Variants in TBC1D9 observed in about 807,000 individuals in gnomAD.
TBC1D9 encodes the protein TBC1 domain family member 9.
TBC1D9 carries 63 observed loss-of-function variants against 132.0 expected under a neutral mutation model. The observed-to-expected ratio is 0.48, with a 90% confidence interval of 0.39 to 0.59. The LOEUF (loss-of-function observed/expected upper bound fraction) is 0.59, where lower values mean the gene tolerates loss of function less well. Among genes scored for constraint, TBC1D9 ranks in the 20% least tolerant of loss-of-function variants. The probability of loss-of-function intolerance (pLI) is 0.00; values close to 1 mark genes in which losing one functional copy is unlikely to be tolerated. For missense variants in TBC1D9, 1,261 were observed against 1,592.7 expected (o/e 0.79, Z 3.54); for synonymous variants, 610 against 609.9 (o/e 1.00, Z 0.00).
chr4:140,688,515 A>G (rs1737824266), intron 2 of TBC1D9, among the ~76,000 whole-genome samples: 2 of 152,208 alleles, frequency 1.3e-5, no homozygotes, highest in African/African-American at 4.8e-5. Flanking sequence ...AAAAAATTAA[A>G]AAATTAGCTG....
intron 9 of TBC1D9, among the ~76,000 whole-genome samples, chr4:140,662,983 T>C (rs1737388033): frequency 6.6e-6 from 1 of 152,132 alleles, no homozygotes; most frequent in South Asian, 2.1e-4. Context: ...AAATGCTTCT[T>C]GACACTGATA....
chr4:140,644,555 CCG>C (rs1737070208), intron 13 of TBC1D9: 6 of 311,690 alleles, frequency 1.9e-5, no homozygotes, highest in South Asian at 1.5e-4. Context: ...AGCCTTGCCC[CCG>C]GCCCCCAGGC....
chr4:140,728,061 C>G (rs1256298270), intron 1 of TBC1D9, among the ~76,000 whole-genome samples: 1 of 152,152 alleles, frequency 6.6e-6, no homozygotes, highest in Non-Finnish European at 1.5e-5. Flanking sequence ...AACTCTAGCT[C>G]CTATAGGAGG....
Position 140,756,156 on chromosome 4 carries a change from C to T in TBC1D9, c.-111G>A. The stretch of plus-strand genomic sequence containing the variant: ...ACACGCGCGCCCGCCCGCCCGTCCG[C>T]TAGGTGCGGCGGCGGCGGCGGCAGG... On this transcript the variant is annotated 5_prime_UTR_variant, in exon 1 of 21. Coordinates refer to ENST00000442267, the MANE Select transcript of TBC1D9 (RefSeq NM_015130.3). This position sits in a 1 kb window ranked among gnomAD's most constrained non-coding sequence, Gnocchi z 5.6. The T allele has an allele frequency of 1.1e-6, 1 of 879,800 alleles. No homozygotes were observed. Among genetic ancestry groups the T allele is most frequent in the Non-Finnish European group, 1.5e-6 (1 of 650,240 alleles). The allele number at this position is 879,800 out of a possible 1,614,324, so 54.5% of individuals were successfully genotyped here. A position where few individuals can be genotyped will look rare whatever the true frequency, so the allele number is the denominator to read the frequency against.
chr4:140,734,281 A>C (rs1738641239), intron 1 of TBC1D9, among the ~76,000 whole-genome samples: 1 of 152,092 alleles, frequency 6.6e-6, no homozygotes, highest in Non-Finnish European at 1.5e-5. Context: ...GGCACGTGTC[A>C]CCACACTCAG....
At chr4:140,653,834 A>C (rs1271674993) in intron 13 of TBC1D9, among the ~76,000 whole-genome samples, 32 of 152,178 alleles carry the variant, frequency 2.1e-4, no homozygotes, top group Admixed American at 2.1e-3. Flanking sequence ...AGAGGAAGGG[A>C]ACTGCGGCTT....
intron 1 of TBC1D9, among the ~76,000 whole-genome samples, chr4:140,744,400 A>G (rs192722719): frequency 3.9e-5 from 6 of 152,298 alleles, no homozygotes; most frequent in African/African-American, 1.2e-4. Flanking sequence ...GTTTTCAGAC[A>G]TGCTTCATTA....
chr4:140,678,851 T>C, intron 5 of TBC1D9, 91 bp downstream of exon 5: 1 of 1,460,334 alleles, frequency 6.8e-7, no homozygotes, highest in South Asian at 1.3e-5. Flanking sequence ...TCAGAACCCT[T>C]GAAGATCGTC....
chr4:140,659,621 T>A lies in TBC1D9; in HGVS notation c.1888A>T (p.Met630Leu). 1 of 1,604,314 alleles carries A rather than the reference T, an allele frequency of 6.2e-7. No homozygotes were observed. The highest frequency in any genetic ancestry group is 8.5e-7 in the Non-Finnish European group (1 of 1,175,414). ...CTGGTGTTGTAGTAATCTGGGAGCA[T>A]GCGCTCACACAAAGCCACAAGCAGC... ...FWLLVALCERMLPDYYNTRVV... is the reference protein window; with the variant it reads ...FWLLVALCERLLPDYYNTRVV... Residue 630 changes from methionine to leucine, a missense_variant, in exon 11 of 21, where the codon ATG (methionine) becomes TTG (leucine). Met to Leu is a conservative substitution (Grantham distance 15). Transcript: ENST00000442267.
chr4:140,733,993 C>T (rs1738637638), intron 1 of TBC1D9, among the ~76,000 whole-genome samples: 1 of 152,058 alleles, frequency 6.6e-6, no homozygotes, highest in Non-Finnish European at 1.5e-5. Flanking sequence ...ACCTCTGCTC[C>T]ATGTGGACAA....
Position 140,639,094 on chromosome 4 carries a change from G to T in TBC1D9, c.2497C>A (p.Leu833Ile). 6.3e-7 allele frequency: 1 copy of T among 1,589,268 alleles called. No individual in the cohort carries two copies. ...TIDELEELYA[L>I]FKAEHLTSCY... is the part of the protein sequence containing the mutation. Reference sequence around the variant, plus strand: ...TTTACCTTGCAACTCACCTTGAAAAGAGCATAAAGTTCTTCCAGCTCATCA... The same window carrying T: ...TTTACCTTGCAACTCACCTTGAAAATAGCATAAAGTTCTTCCAGCTCATCA... Residue 833 changes from leucine (L) to isoleucine (I), a missense_variant, in exon 15 of 21, where the codon CTT becomes ATT. By Grantham distance (5) the Leu-to-Ile change is conservative (BLOSUM62 2). Coordinates refer to ENST00000442267, the MANE Select transcript of TBC1D9 (RefSeq NM_015130.3).
At chr4:140,692,005 T>G (rs1737884891) in intron 2 of TBC1D9, among the ~76,000 whole-genome samples, 1 of 152,214 alleles carries the variant, frequency 6.6e-6, no homozygotes, top group Admixed American at 6.5e-5. Context: ...ATATTTCTTT[T>G]GTGATGCATG....
chr4:140,635,205 G>A (rs1316027099), intron 15 of TBC1D9, among the ~76,000 whole-genome samples: 1 of 152,168 alleles, frequency 6.6e-6, no homozygotes, highest in Admixed American at 6.5e-5. Flanking sequence ...TTGGCCAGGT[G>A]CAGTGGCTCA....
intron 9 of TBC1D9, among the ~76,000 whole-genome samples, chr4:140,668,162 C>T (rs1039013816): frequency 1.3e-5 from 2 of 152,176 alleles, no homozygotes; most frequent in Non-Finnish European, 2.9e-5. Context: ...CCCTGGGATA[C>T]ACTCAGTGCT....
Position 140,639,353 on chromosome 4 carries a change from C to G in TBC1D9, c.2413G>C (p.Glu805Gln), listed in dbSNP as rs1328305523. ...ACCACGTTGCGTTTCGTAGTATCCT[C>G]CAGCGTCTGGATCACTTTCAGTCTC... ...KQRLKVIQTL[E>Q]DTTKRNVVRT... Residue 805 changes from glutamate to glutamine, a missense_variant, in exon 14 of 21, where the codon GAG becomes CAG. Glu to Gln is a conservative substitution (Grantham distance 29, BLOSUM62 2). Transcript: ENST00000442267. 1 of 1,612,678 alleles carries G rather than the reference C, an allele frequency of 6.2e-7. No individual in the cohort carries two copies. Among genetic ancestry groups the G allele is most frequent in the Non-Finnish European group, 8.5e-7 (1 of 1,179,372 alleles).
intron 2 of TBC1D9, among the ~76,000 whole-genome samples, chr4:140,699,196 T>G (rs1225466374): frequency 2.0e-5 from 3 of 152,156 alleles, no homozygotes; most frequent in Non-Finnish European, 4.4e-5. Flanking sequence ...CATGAGTCTA[T>G]AGTGACATAA....
intron 13 of TBC1D9, among the ~76,000 whole-genome samples, chr4:140,650,488 G>A (rs1185403369): frequency 2.6e-5 from 4 of 152,168 alleles, no homozygotes; most frequent in East Asian, 1.9e-4. Flanking sequence ...GATGAGCGAC[G>A]CCACAGTCAT....
Position 140,642,182 on chromosome 4 carries a change from G to A in TBC1D9, c.2338-2754C>T, listed in dbSNP as rs1375523032. On this transcript the variant is annotated intron_variant, in intron 13 of 20. Coordinates refer to ENST00000442267, the MANE Select transcript of TBC1D9 (RefSeq NM_015130.3). ...CACACAGGAGGGAAGGCATCAGTTT[G>A]GAGCTAGCCGGAGGGGCCTTGGGCG... is the stretch of plus-strand genomic sequence containing the variant. The A allele has an allele frequency of 3.3e-5, 25 of 760,444 alleles. 1 individual carries two copies. Among genetic ancestry groups the A allele is most frequent in the Middle Eastern group, 2.3e-4 (1 of 4,410 alleles). 47.1% of individuals were successfully genotyped at this position (760,444 alleles called of 1,614,324 possible). A position where few individuals can be genotyped will look rare whatever the true frequency, so the allele number is the denominator to read the frequency against.
intron 1 of TBC1D9, among the ~76,000 whole-genome samples, chr4:140,726,095 C>G (rs998472792): frequency 6.6e-6 from 1 of 152,094 alleles, no homozygotes; most frequent in Non-Finnish European, 1.5e-5. Flanking sequence ...TCAAGACCAG[C>G]CTGGCCAATA....
Sources: gnomAD v4.1 joint callset for allele counts (sites outside exome capture counted in the v4.1 genomes callset) on GRCh38, gnomAD v4.1.1 for gene constraint, Gnocchi (gnomAD v3.1) non-coding constraint, MANE v1.5 for transcripts, NCBI Gene and HGNC (gene_info 2026-07-23, HGNC 2026-07-21) for gene names.